Variants in VPS33B observed in about 807,000 individuals in gnomAD.
VPS33B encodes the protein vacuolar protein sorting-associated protein 33B.
VPS33B carries 80 observed loss-of-function variants against 95.3 expected under a neutral mutation model. That is an observed-to-expected ratio of 0.84 (90% CI 0.70 to 1.01). The LOEUF (loss-of-function observed/expected upper bound fraction) is 1.01. VPS33B is among the 50% of genes least tolerant of loss of function. VPS33B has a pLI of 0.00. For synonymous variants in VPS33B, 280 were observed against 280.4 expected, an observed-to-expected ratio of 1.00 and a Z score of 0.01; for missense variants, 715 against 773.4, an observed-to-expected ratio of 0.92 and a Z score of 0.90.
rs1300477844 is a variant in VPS33B at position 91,011,535 on chromosome 15, AAGAG to A, written c.358-1693_358-1690del. Among the ~76,000 whole-genome samples the A allele has an allele frequency of 1.3e-5, 2 of 152,226 alleles. No homozygotes were observed. Among genetic ancestry groups the A allele is most frequent in the Non-Finnish European group, 2.9e-5 (2 of 68,026 alleles). ...CATAATTAACAAAGGAGTCTCAAAGAAGAGAGAGAGATGCCTCCTAATATAAAAT... is the reference window on the plus strand; with the variant it reads ...CATAATTAACAAAGGAGTCTCAAAGAAGAGAGATGCCTCCTAATATAAAAT... On this transcript the variant is annotated intron_variant, in intron 5 of 22. Coordinates refer to ENST00000333371, the MANE Select transcript of VPS33B (RefSeq NM_018668.5). The surrounding 1 kb of genome is among the most constrained non-coding windows in gnomAD (Gnocchi z 5.5).
In VPS33B at chr15:91,007,218, C is replaced by T. The variant is rs1284222666; in HGVS notation, c.604-172G>A. 1.3e-5 allele frequency among the ~76,000 whole-genome samples: 2 copies of T among 152,170 alleles called. No homozygotes were observed. Among genetic ancestry groups the T allele is most frequent in the African/African-American group, 4.8e-5 (2 of 41,442 alleles). The stretch of plus-strand genomic sequence containing the variant: ...TCTGTGTCTATCTTTCCCCAACACT[C>T]TTCCTACTGATGAGAAGATGTGTTA... On this transcript the variant is annotated intron_variant, in intron 8 of 22. Coordinates refer to ENST00000333371, the MANE Select transcript of VPS33B (RefSeq NM_018668.5). This position sits in a 1 kb window ranked among gnomAD's most constrained non-coding sequence, Gnocchi z 5.3.
intron 16 of VPS33B, among the ~76,000 whole-genome samples, 154 bp downstream of exon 16, chr15:91,004,723 T>G (rs1454837816): frequency 6.6e-6 from 1 of 152,110 alleles, no homozygotes; most frequent in South Asian, 2.1e-4. Context: ...TGTGTCCTGG[T>G]GATAATTCAC....
In VPS33B at chr15:91,006,196, CA is replaced by C; in HGVS notation, c.853-138del. 2.3e-6 allele frequency: 3 copies of C among 1,322,158 alleles called. No homozygotes were observed. In the South Asian group the frequency reaches 3.6e-5, roughly 16 times the overall value. 81.9% of individuals were successfully genotyped at this position (1,322,158 alleles called of 1,614,324 possible). ...TGAGCTGGGATCTGTAAGTCCATAT[CA>C]AATGCCTACACCGTGTTCTAGGAGA... On this transcript the variant is annotated intron_variant, in intron 11 of 22. Transcript: ENST00000333371. This position sits in a 1 kb window ranked among gnomAD's most constrained non-coding sequence, Gnocchi z 5.4.
chr15:91,002,835 C>A lies in VPS33B; in HGVS notation c.1272+250G>T, dbSNP rs987566693. 7.0e-5 allele frequency among the ~76,000 whole-genome samples: 5 copies of A among 71,320 alleles called. No individual in the cohort carries two copies. Among genetic ancestry groups the A allele is most frequent in the Non-Finnish European group, 1.3e-4 (5 of 37,358 alleles). The allele number at this position is 71,320 out of a possible 152,430, so 46.8% of individuals were successfully genotyped here. A position where few individuals can be genotyped will look rare whatever the true frequency, so the allele number is the denominator to read the frequency against. On this transcript the variant is annotated intron_variant, in intron 17 of 22. Coordinates refer to ENST00000333371, the MANE Select transcript of VPS33B (RefSeq NM_018668.5). This position sits in a 1 kb window ranked among gnomAD's most constrained non-coding sequence, Gnocchi z 4.7. Reference sequence around the variant, plus strand: ...AGACTCCCAGGAGAAAGAACTCACACTGGGGCCAGCACTGAAATGTTTAAT... The same window carrying A: ...AGACTCCCAGGAGAAAGAACTCACAATGGGGCCAGCACTGAAATGTTTAAT...
In VPS33B at chr15:91,009,542, G is replaced by C. The variant is rs1230342521; in HGVS notation, c.403+259C>G. ...GGCTGGACTCAAACTCCTGACCTCA[G>C]GTGATCCACCCCCTCGGCCTCCCAA... On this transcript the variant is annotated intron_variant, in intron 6 of 22. Coordinates refer to ENST00000333371, the MANE Select transcript of VPS33B (RefSeq NM_018668.5). This position sits in a 1 kb window ranked among gnomAD's most constrained non-coding sequence, Gnocchi z 4.1. Among the ~76,000 whole-genome samples, 2 of 152,048 alleles carry C rather than the reference G, an allele frequency of 1.3e-5. No homozygotes were observed. The highest frequency in any genetic ancestry group is 2.9e-5 in the Non-Finnish European group (2 of 68,004).
chr15:91,001,627 C>T (rs1235570215), intron 18 of VPS33B, among the ~76,000 whole-genome samples, 165 bp from the exon 19 acceptor site: 1 of 152,194 alleles, frequency 6.6e-6, no homozygotes, highest in Non-Finnish European at 1.5e-5. Context: ...CCCCACCCTT[C>T]TCCCCACCCA....
rs144383698 is a variant in VPS33B at position 91,002,099 on chromosome 15, G to C, written c.1356C>G (p.Leu452=). The C allele has an allele frequency of 1.9e-6, 3 of 1,614,182 alleles. No individual in the cohort carries two copies. The highest frequency in any genetic ancestry group is 2.5e-6 in the Non-Finnish European group (3 of 1,180,032). ...TGCTCACTTTACTCTCCACGGCTGT[G>C]AGGGTGTCCCCGGGGGCCTGCTCCG... The part of the protein sequence containing the change: ...LLTEQAPGDT[L]TAVESKVSKL... Residue 452 remains leucine (L), a synonymous_variant, in exon 18 of 23, where the codon CTC becomes CTG. Coordinates refer to ENST00000333371, the MANE Select transcript of VPS33B (RefSeq NM_018668.5). This position sits in a 1 kb window ranked among gnomAD's most constrained non-coding sequence, Gnocchi z 4.7.
chr15:90,999,348 T>C lies in VPS33B; in HGVS notation c.1775-294A>G. ...TTTTTTTTCTCTTGAGATGGAGTTT[T>C]GCTATTGTTGCCCAGGCTGGAGTGC... is the stretch of plus-strand genomic sequence containing the variant. On this transcript the variant is annotated intron_variant, in intron 22 of 22. Coordinates refer to ENST00000333371, the MANE Select transcript of VPS33B (RefSeq NM_018668.5). This position sits in a 1 kb window ranked among gnomAD's most constrained non-coding sequence, Gnocchi z 5.1. 1 of 525,160 alleles carries C rather than the reference T, an allele frequency of 1.9e-6. No individual in the cohort carries two copies. Among genetic ancestry groups the C allele is most frequent in the East Asian group, 3.5e-5 (1 of 28,548 alleles). The allele number at this position is 525,160 out of a possible 1,614,324, so 32.5% of individuals were successfully genotyped here.
chr15:91,022,127 C>G, intron 1 of VPS33B, 27 bp downstream of exon 1: 1 of 1,552,422 alleles, frequency 6.4e-7, no homozygotes, highest in Non-Finnish European at 8.7e-7. Context: ...ACTGTAGATG[C>G]GATAAAGGCG....
intron 3 of VPS33B, 71 bp downstream of exon 3, chr15:91,016,892 G>T: frequency 6.9e-7 from 1 of 1,449,074 alleles, no homozygotes; most frequent in Non-Finnish European, 9.7e-7. Context: ...GCCAAGGACA[G>T]ATGAAAGGCA....
intron 18 of VPS33B, 144 bp from the exon 19 acceptor site, chr15:91,001,606 C>G: frequency 4.1e-6 from 3 of 740,276 alleles, no homozygotes; most frequent in Non-Finnish European, 7.2e-6. Flanking sequence ...TGGAACTAAT[C>G]AAGATATACT....
rs2040491695 is a variant in VPS33B, at chr15:91,003,131, C to T, written c.1226G>A (p.Gly409Asp). 6.2e-7 allele frequency: 1 copy of T among 1,614,012 alleles called. No homozygotes were observed. Among genetic ancestry groups the T allele is most frequent in the African/African-American group, 1.3e-5 (1 of 74,912 alleles). Residue 409 changes from glycine (G) to aspartate (D), a missense_variant and splice_region_variant, in exon 17 of 23, where the codon GGT becomes GAT. Transcript: ENST00000333371. ...AGATCGGTAATCCTTGGGGATCAAA[C>T]CTAAGAGTGAAGAAAATAAGACAGG... ...LMCLLSITEN[G>D]LIPKDYRSLK...
At chr15:91,004,990 T>G in intron 15 of VPS33B, 59 bp from the exon 16 acceptor site, 3 of 1,614,196 alleles carry the variant, frequency 1.9e-6, no homozygotes, top group Non-Finnish European at 2.5e-6. Context: ...TTCTTTTCCT[T>G]CTGCTTAAGG....
chr15:91,012,038 CA>C (rs1423150775), intron 5 of VPS33B, among the ~76,000 whole-genome samples: 1 of 147,872 alleles, frequency 6.8e-6, no homozygotes, highest in Non-Finnish European at 1.5e-5. Context: ...GACAAAACAC[CA>C]AAGCTGTCCT....
At position 91,007,604 on chromosome 15, in the gene VPS33B, G is replaced by A. The variant is rs770563484; in HGVS notation, c.499-31C>T. 6.2e-7 allele frequency: 1 copy of A among 1,610,184 alleles called. No individual in the cohort carries two copies. Among genetic ancestry groups the A allele is most frequent in the Admixed American group, 1.7e-5 (1 of 60,014 alleles). On this transcript the variant is annotated intron_variant, in intron 7 of 22. Transcript: ENST00000333371. The surrounding 1 kb of genome is among the most constrained non-coding windows in gnomAD (Gnocchi z 5.3). ...GGGACCACACAAGCCACAAAGATAT[G>A]AATCAACCCAGTAGGACCACCTGGA...
Position 91,000,802 on chromosome 15 carries a change from T to C in VPS33B, c.1480-211A>G, listed in dbSNP as rs575988858. The C allele has an allele frequency of 1.1e-5, 6 of 535,550 alleles. No individual in the cohort carries two copies. Among genetic ancestry groups the C allele is most frequent in the South Asian group, 3.8e-5 (2 of 52,966 alleles). The allele number at this position is 535,550 out of a possible 1,614,324, so 33.2% of individuals were successfully genotyped here. A position where few individuals can be genotyped will look rare whatever the true frequency, so the allele number is the denominator to read the frequency against. On this transcript the variant is annotated intron_variant, in intron 19 of 22. Transcript: ENST00000333371. This position sits in a 1 kb window ranked among gnomAD's most constrained non-coding sequence, Gnocchi z 4.9. ...TGGAATGAGTTCCCATGCGCCATTA[T>C]TGAATAATGTAAAGGGGCTGGAGGG... is the stretch of plus-strand genomic sequence containing the variant.
In VPS33B at chr15:90,999,318, GTTT is replaced by G; in HGVS notation, c.1775-267_1775-265del. 1 of 480,822 alleles carries G rather than the reference GTTT, an allele frequency of 2.1e-6. No homozygotes were observed. The highest frequency in any genetic ancestry group is 3.8e-6 in the Non-Finnish European group (1 of 266,344). 29.8% of individuals were successfully genotyped at this position (480,822 alleles called of 1,614,324 possible). On this transcript the variant is annotated intron_variant, in intron 22 of 22. Coordinates refer to ENST00000333371, the MANE Select transcript of VPS33B (RefSeq NM_018668.5). This position sits in a 1 kb window ranked among gnomAD's most constrained non-coding sequence, Gnocchi z 5.1. Reference sequence around the variant, plus strand: ...TATTCCTGTGCAGGACACTTTGCGTGTTTTTTTTTTTTCTCTTGAGATGGAGTT... The same window carrying G: ...TATTCCTGTGCAGGACACTTTGCGTGTTTTTTTTTCTCTTGAGATGGAGTT...
rs2040720475 is a variant in VPS33B at position 91,009,557 on chromosome 15, C to T, written c.403+244G>A. ...CCTGACCTCAGGTGATCCACCCCCT[C>T]GGCCTCCCAAAGTGCTGGGATTACA... is the stretch of plus-strand genomic sequence containing the variant. On this transcript the variant is annotated intron_variant, in intron 6 of 22. Coordinates refer to ENST00000333371, the MANE Select transcript of VPS33B (RefSeq NM_018668.5). The surrounding 1 kb of genome is among the most constrained non-coding windows in gnomAD (Gnocchi z 4.1). Among the ~76,000 whole-genome samples the T allele has an allele frequency of 6.6e-6, 1 of 152,090 alleles. No individual in the cohort carries two copies. The highest frequency in any genetic ancestry group is 1.5e-5 in the Non-Finnish European group (1 of 68,008).
chr15:90,999,969 C>CT lies in VPS33B; in HGVS notation c.1587dup (p.Glu530ArgfsTer9). 1.2e-6 allele frequency: 2 copies of CT among 1,614,200 alleles called. No homozygotes were observed. On this transcript the variant is annotated frameshift_variant, in exon 21 of 23. Transcript: ENST00000333371. LOFTEE classifies it high-confidence loss of function. The surrounding 1 kb of genome is among the most constrained non-coding windows in gnomAD (Gnocchi z 5.1). ...TCAAGGCCCTGCCAGCTTCGCCGCT[C>CT]TAGCACCTGGGAAGGTGTAAGCACT...
Sources: allele counts gnomAD v4.1 joint callset (sites outside exome capture counted in the v4.1 genomes callset), GRCh38; gene constraint gnomAD v4.1.1; non-coding constraint Gnocchi (gnomAD v3.1); transcripts MANE v1.5; gene names NCBI Gene and HGNC (gene_info 2026-07-23, HGNC 2026-07-21).